The following KALRN variants were observed in gnomAD, a reference collection of about 807,000 sequenced individuals.
The protein encoded by KALRN is kalirin RhoGEF kinase, also known as kalirin.
A neutral mutation model predicts 353.7 loss-of-function variants in KALRN; 70 were observed. That is an observed-to-expected ratio of 0.20 (90% CI 0.16 to 0.24). KALRN has a LOEUF of 0.24. KALRN is among the 10% of genes least tolerant of loss of function. The pLI is 1.00. For missense variants in KALRN, 2,791 were observed against 3,756.7 expected (o/e 0.74, Z 6.72); for synonymous variants, 1,391 against 1,434.8 (o/e 0.97, Z 0.69).
At chr3:124,312,759 G>T (rs774425791) in intron 6 of KALRN, among the ~76,000 whole-genome samples, 1 of 152,216 alleles carries the variant, frequency 6.6e-6, no homozygotes. Flanking sequence ...GAGACACAAA[G>T]CTATCTTCAA....
intron 29 of KALRN, among the ~76,000 whole-genome samples, chr3:124,489,504 A>G (rs1201126830): frequency 2.6e-5 from 4 of 152,190 alleles, no homozygotes; most frequent in Non-Finnish European, 5.9e-5. Context: ...CCTTAGCACC[A>G]GAAGCCTCAA....
At chr3:124,511,301 G>A (rs1232610965) in intron 33 of KALRN, among the ~76,000 whole-genome samples, 1 of 152,140 alleles carries the variant, frequency 6.6e-6, no homozygotes, top group African/African-American at 2.4e-5. Flanking sequence ...ATTTCCAACT[G>A]TCTATGACAT....
intron 1 of KALRN, among the ~76,000 whole-genome samples, chr3:124,178,961 G>T (rs1053163462): frequency 6.6e-6 from 1 of 152,014 alleles, no homozygotes; most frequent in Non-Finnish European, 1.5e-5. Context: ...TAAAAAATTA[G>T]CTGGGTATGG....
chr3:124,058,039 A>G (rs143416882), intron 1 of KALRN, among the ~76,000 whole-genome samples: 102 of 152,360 alleles, frequency 6.7e-4, no homozygotes, highest in African/African-American at 2.4e-3. Context: ...CAACAGGCAT[A>G]GAGAGCTTGT....
chr3:124,604,243 G>A (rs962503123), intron 34 of KALRN, among the ~76,000 whole-genome samples: 8 of 152,044 alleles, frequency 5.3e-5, no homozygotes, highest in South Asian at 2.1e-4. Flanking sequence ...GCTGATGCGC[G>A]CACCCACTAA....
chr3:124,495,613 G>A (rs953077650), intron 32 of KALRN, among the ~76,000 whole-genome samples: 3 of 150,982 alleles, frequency 2.0e-5, no homozygotes, highest in South Asian at 4.2e-4. Context: ...TGGCAGGCAC[G>A]TGGAAACCCA....
chr3:124,128,036 T>C (rs1188535483), intron 1 of KALRN, among the ~76,000 whole-genome samples: 1 of 152,202 alleles, frequency 6.6e-6, no homozygotes. Flanking sequence ...ACATGTAGAA[T>C]ATGTTTTAAG....
intron 34 of KALRN, among the ~76,000 whole-genome samples, chr3:124,579,042 G>A (rs550004322): frequency 6.6e-6 from 1 of 152,306 alleles, no homozygotes; most frequent in East Asian, 1.9e-4. Flanking sequence ...GAAATGTGGG[G>A]AAATGATTGT....
rs77667945 is a variant in KALRN, at chr3:124,532,451, C to T, written c.4936-30392C>T. ...AGGAAATTTAGTTTTGATCCTAATTCTGCTATTGATCAGGTATATGAGCTT... is the reference window on the plus strand; with the variant it reads ...AGGAAATTTAGTTTTGATCCTAATTTTGCTATTGATCAGGTATATGAGCTT... On this transcript the variant is annotated intron_variant, in intron 33 of 59. Transcript: ENST00000682506. Among the ~76,000 whole-genome samples the T allele has an allele frequency of 4.1e-4, 62 of 152,290 alleles. 1 individual carries two copies. In the East Asian group the frequency reaches 0.011, roughly 26 times the overall value.
At chr3:124,710,704 A>G (rs1364323218) in intron 57 of KALRN, among the ~76,000 whole-genome samples, 1 of 152,194 alleles carries the variant, frequency 6.6e-6, no homozygotes, top group Non-Finnish European at 1.5e-5. Context: ...TTGGAGGATC[A>G]CTTGAGCTTG....
intron 32 of KALRN, among the ~76,000 whole-genome samples, chr3:124,495,955 G>GTATATATATATATATA (rs1448727495): frequency 7.3e-5 from 2 of 27,464 alleles, no homozygotes; most frequent in Non-Finnish European, 1.2e-4. Context: ...GTGTGTGTAT[G>GTATATATATATATATA]TGTATGTATG....
chr3:124,144,691 T>C (rs1435895875), intron 1 of KALRN, among the ~76,000 whole-genome samples: 1 of 151,672 alleles, frequency 6.6e-6, no homozygotes, highest in Non-Finnish European at 1.5e-5. Flanking sequence ...TCTTCCTCCT[T>C]CTGGTTGCCA....
intron 34 of KALRN, among the ~76,000 whole-genome samples, chr3:124,593,997 C>T (rs1378860990): frequency 6.6e-6 from 1 of 151,944 alleles, no homozygotes; most frequent in Non-Finnish European, 1.5e-5. Flanking sequence ...CCGGCCTCCT[C>T]ATTACTCTTA....
chr3:124,273,979 G>A (rs2074436604), intron 5 of KALRN, among the ~76,000 whole-genome samples: 1 of 152,162 alleles, frequency 6.6e-6, no homozygotes, highest in Admixed American at 6.5e-5. Flanking sequence ...TGATGAAGGT[G>A]TCTGCCCTGC....
intron 13 of KALRN, among the ~76,000 whole-genome samples, chr3:124,403,820 A>G (rs781530795): frequency 5.9e-5 from 9 of 152,224 alleles, no homozygotes; most frequent in Non-Finnish European, 1.2e-4. Context: ...AGGACATAAC[A>G]GGGAGACACA....
chr3:124,366,248 A>G (rs1375010162), intron 10 of KALRN, among the ~76,000 whole-genome samples: 26 of 146,080 alleles, frequency 1.8e-4, no homozygotes, highest in African/African-American at 6.7e-4. Context: ...GGTGTTTCTC[A>G]CAGAGGGGGA....
chr3:124,222,989 T>G (rs1216194587), intron 1 of KALRN, among the ~76,000 whole-genome samples: 1 of 152,040 alleles, frequency 6.6e-6, no homozygotes, highest in Non-Finnish European at 1.5e-5. Flanking sequence ...AGCAAGGTTC[T>G]AGGTGTATGT....
intron 14 of KALRN, among the ~76,000 whole-genome samples, chr3:124,415,609 A>G (rs2092452744): frequency 2.0e-5 from 3 of 152,230 alleles, no homozygotes; most frequent in Non-Finnish European, 4.4e-5. Flanking sequence ...TTGCTTCAAT[A>G]GTCTAAGGGT....
chr3:124,210,234 C>T (rs993196417), intron 1 of KALRN, among the ~76,000 whole-genome samples: 1 of 152,192 alleles, frequency 6.6e-6, no homozygotes, highest in African/African-American at 2.4e-5. Flanking sequence ...TAGAATATAA[C>T]AAATACTCAG....
Sources: allele counts gnomAD v4.1 joint callset (sites outside exome capture counted in the v4.1 genomes callset), GRCh38; gene constraint gnomAD v4.1.1; transcripts MANE v1.5; gene names NCBI Gene and HGNC (gene_info 2026-07-23, HGNC 2026-07-21).